The following NYAP2 variants were observed in gnomAD, a reference collection of about 807,000 sequenced individuals.
NYAP2 encodes the protein neuronal tyrosine-phosphorylated phosphoinositide-3-kinase adapter 2.
NYAP2 carries 23 observed loss-of-function variants against 50.4 expected under a neutral mutation model. The observed-to-expected ratio is 0.46, with a 90% confidence interval of 0.33 to 0.65. The LOEUF is 0.65. Ranked by LOEUF, NYAP2 falls within the 30% of genes least tolerant of loss-of-function variation. The pLI is 0.02. For synonymous variants in NYAP2, 394 were observed against 365.2 expected (o/e 1.08, Z -0.90); for missense variants, 885 against 861.0 (o/e 1.03, Z -0.35).
At chr2:225,699,960 T>C in the NYAP2 span, 1 of 151,924 alleles carries the variant, frequency 6.6e-6, no homozygotes, top group African/African-American at 2.4e-5. Flanking sequence ...TATGTGGTTC[T>C]TTGTTAACAA....
intron 4 of NYAP2, among the ~76,000 whole-genome samples, chr2:225,521,014 T>C (rs2106191015): frequency 6.8e-6 from 1 of 147,114 alleles, no homozygotes; most frequent in Non-Finnish European, 1.5e-5. Context: ...GATTCCTAGG[T>C]ATTTTATTCT....
intron 5 of NYAP2, among the ~76,000 whole-genome samples, chr2:225,596,235 T>G (rs1320828057): frequency 6.6e-6 from 1 of 152,184 alleles, no homozygotes; most frequent in Non-Finnish European, 1.5e-5. Context: ...TCCTCATTAG[T>G]AATCATTTTA....
chr2:225,456,429 C>T (rs1260390878), intron 3 of NYAP2, among the ~76,000 whole-genome samples: 4 of 152,190 alleles, frequency 2.6e-5, no homozygotes, highest in Non-Finnish European at 4.4e-5. Flanking sequence ...TTCTTCACTC[C>T]CTTCTGTAAG....
chr2:225,419,656 G>A (rs1387776107), intron 3 of NYAP2, among the ~76,000 whole-genome samples: 2 of 152,034 alleles, frequency 1.3e-5, no homozygotes, highest in Non-Finnish European at 2.9e-5. Context: ...CAACTAGCGG[G>A]GTAGTCAACA....
At chr2:225,410,414 C>T (rs892321430) in intron 3 of NYAP2, among the ~76,000 whole-genome samples, 2 of 151,704 alleles carry the variant, frequency 1.3e-5, no homozygotes, top group Non-Finnish European at 2.9e-5. Flanking sequence ...TGTATAAATG[C>T]CTTCTTAGGA....
At chr2:225,508,032 T>C (rs991843865) in intron 3 of NYAP2, among the ~76,000 whole-genome samples, 1 of 152,222 alleles carries the variant, frequency 6.6e-6, no homozygotes, top group African/African-American at 2.4e-5. Context: ...TCTGGAAAAA[T>C]AACCCTCCTT....
At chr2:225,624,201 C>T (rs1233082362) in intron 5 of NYAP2, among the ~76,000 whole-genome samples, 1 of 152,076 alleles carries the variant, frequency 6.6e-6, no homozygotes, top group Non-Finnish European at 1.5e-5. Context: ...AGGGTGCTGC[C>T]CAATTCACAA....
At chr2:225,405,319 A>T (rs184233163) in intron 2 of NYAP2, among the ~76,000 whole-genome samples, 2 of 152,044 alleles carry the variant, frequency 1.3e-5, no homozygotes, top group African/African-American at 4.8e-5. Context: ...CCTGGAGGAG[A>T]GGGGACATTT....
chr2:225,541,963 T>C (rs1011582071), intron 4 of NYAP2, among the ~76,000 whole-genome samples: 5 of 152,176 alleles, frequency 3.3e-5, no homozygotes, highest in Non-Finnish European at 7.4e-5. Flanking sequence ...ATTACTTTCA[T>C]CAGTATTTTA....
At chr2:225,417,510 G>A (rs1347358331) in intron 3 of NYAP2, among the ~76,000 whole-genome samples, 1 of 151,642 alleles carries the variant, frequency 6.6e-6, no homozygotes, top group African/African-American at 2.4e-5. Context: ...CAGCCTGCTA[G>A]GAAGCAGAAA....
At chr2:225,554,263 A>T (rs1392862002) in intron 4 of NYAP2, among the ~76,000 whole-genome samples, 4 of 139,396 alleles carry the variant, frequency 2.9e-5, no homozygotes, top group Non-Finnish European at 6.2e-5. Flanking sequence ...ATTTATTTGT[A>T]TTACAGAAAA....
chr2:225,557,578 C>T (rs1003311218), intron 4 of NYAP2, among the ~76,000 whole-genome samples: 6 of 151,966 alleles, frequency 3.9e-5, no homozygotes, highest in East Asian at 1.9e-4. Context: ...GGAAATACAA[C>T]TATATAGAGG....
chr2:225,486,209 C>T lies in NYAP2; in HGVS notation c.222-27162C>T, dbSNP rs142284247. 6.7e-3 allele frequency among the ~76,000 whole-genome samples: 1,023 copies of T among 152,192 alleles called. 11 individuals are homozygous for T. Among genetic ancestry groups the T allele is most frequent in the African/African-American group, 0.023 (973 of 41,514 alleles). ...AGAACAAGTGTGAAAAAGAGGAGAC[C>T]CAGATTTTTGAGAAGCTTGGCTGCT... On this transcript the variant is annotated intron_variant, in intron 3 of 6. Coordinates refer to ENST00000636099, the Ensembl canonical transcript of NYAP2.
chr2:225,402,954 C>T (rs2106115261), intron 2 of NYAP2, among the ~76,000 whole-genome samples: 1 of 152,090 alleles, frequency 6.6e-6, no homozygotes, highest in South Asian at 2.1e-4. Context: ...GTGAAGTCAG[C>T]AAATTTTAAA....
rs1691934112 is a variant in NYAP2, at chr2:225,564,745, G to A, written c.524-17196G>A. Among the ~76,000 whole-genome samples the A allele has an allele frequency of 9.2e-5, 14 of 151,504 alleles. No homozygotes were observed. In the South Asian group the frequency reaches 2.9e-3, roughly 32 times the overall value. ...TCATAATGAGCCATCTCAGTTTTTAGAAATATTCTCTATTTTTTTAACAAT... is the reference window on the plus strand; with the variant it reads ...TCATAATGAGCCATCTCAGTTTTTAAAAATATTCTCTATTTTTTTAACAAT... On this transcript the variant is annotated intron_variant, in intron 4 of 6. Coordinates refer to ENST00000636099, the Ensembl canonical transcript of NYAP2.
At chr2:225,475,033 C>A (rs1276730252) in intron 3 of NYAP2, among the ~76,000 whole-genome samples, 1 of 152,122 alleles carries the variant, frequency 6.6e-6, no homozygotes, top group Non-Finnish European at 1.5e-5. Context: ...TTTCTGTTTT[C>A]TAGAAGAAAT....
At chr2:225,553,508 G>A (rs1367502540) in intron 4 of NYAP2, among the ~76,000 whole-genome samples, 1 of 152,192 alleles carries the variant, frequency 6.6e-6, no homozygotes, top group Non-Finnish European at 1.5e-5. Context: ...TGGTACAAGG[G>A]AGAAAGAGAG....
chr2:225,664,670 C>T, the NYAP2 span, among the ~76,000 whole-genome samples: 1 of 151,966 alleles, frequency 6.6e-6, no homozygotes. Flanking sequence ...AGATCGAGAC[C>T]AGGATCATCC....
chr2:225,472,872 A>T (rs369640025), intron 3 of NYAP2, among the ~76,000 whole-genome samples: 1 of 152,036 alleles, frequency 6.6e-6, no homozygotes, highest in African/African-American at 2.4e-5. Flanking sequence ...GGTTTGTTAC[A>T]TATGTATACA....
Sources: allele counts gnomAD v4.1 joint callset (sites outside exome capture counted in the v4.1 genomes callset), GRCh38; gene constraint gnomAD v4.1.1; transcripts MANE v1.5; gene names NCBI Gene and HGNC (gene_info 2026-07-23, HGNC 2026-07-21).